The following SLC5A12 variants were observed in gnomAD, a reference collection of about 807,000 sequenced individuals.
The protein encoded by SLC5A12 is solute carrier family 5 member 12, also known as sodium-coupled monocarboxylate transporter 2.
In SLC5A12, 46 loss-of-function variants were observed where a neutral mutation model predicts 72.7. That is an observed-to-expected ratio of 0.63 (90% CI 0.50 to 0.81). The LOEUF (loss-of-function observed/expected upper bound fraction) is 0.81, where lower values mean the gene tolerates loss of function less well. Ranked by LOEUF, SLC5A12 falls within the 30% of genes least tolerant of loss-of-function variation. The pLI is 0.00. For missense variants in SLC5A12, 683 were observed against 740.7 expected, an observed-to-expected ratio of 0.92 and a Z score of 0.90; for synonymous variants, 275 against 264.4, an observed-to-expected ratio of 1.04 and a Z score of -0.39.
chr11:26,683,614 T>C (rs749988995), intron 11 of SLC5A12, 143 bp downstream of exon 11: 9 of 589,948 alleles, frequency 1.5e-5, no homozygotes, highest in Non-Finnish European at 2.1e-5. Flanking sequence ...CAGAGACAGG[T>C]AGACTCAAGC....
At position 26,678,535 on chromosome 11, in the gene SLC5A12, G is replaced by C. The variant is rs113311482; in HGVS notation, c.1579+177C>G. ...TATATGTTTTATATATTAATAGTCA[G>C]GTATATAATAATGAAGGGTGCCTTT... On this transcript the variant is annotated intron_variant, in intron 13 of 14. Coordinates refer to ENST00000396005, the MANE Select transcript of SLC5A12 (RefSeq NM_178498.4). Among the ~76,000 whole-genome samples the C allele has an allele frequency of 4.6e-3, 701 of 151,952 alleles. 10 individuals carry two copies. The highest frequency in any genetic ancestry group is 0.016 in the African/African-American group (672 of 41,442).
intron 1 of SLC5A12, 140 bp downstream of exon 1, chr11:26,721,236 G>T: frequency 1.5e-6 from 1 of 678,682 alleles, no homozygotes; most frequent in Non-Finnish European, 2.4e-6. Context: ...CCAAAGCTTA[G>T]GCTTTTTACA....
intron 8 of SLC5A12, among the ~76,000 whole-genome samples, chr11:26,695,662 T>C (rs892959945): frequency 2.0e-5 from 3 of 152,206 alleles, no homozygotes; most frequent in Admixed American, 2.0e-4. Flanking sequence ...GCTATTTTTC[T>C]TATATATAAA....
At chr11:26,686,357 A>G (rs1854533355) in intron 10 of SLC5A12, 120 bp downstream of exon 10, 3 of 759,264 alleles carry the variant, frequency 4.0e-6, no homozygotes, top group Non-Finnish European at 6.5e-6. Context: ...ATTTATTTTT[A>G]ATTTGGAGCT....
rs144355462 is a variant in SLC5A12 at position 26,711,922 on chromosome 11, C to T, written c.406-564G>A. Among the ~76,000 whole-genome samples the T allele has an allele frequency of 3.7e-4, 57 of 152,212 alleles. No homozygotes were observed. The East Asian group carries it at 0.011, about 28-fold the overall frequency. ...GAAATAGGTCCAGTTTCTCCAGTCT[C>T]TATTCGGAATTTCACCATGTAGAGA... On this transcript the variant is annotated intron_variant, in intron 2 of 14. Coordinates refer to ENST00000396005, the MANE Select transcript of SLC5A12 (RefSeq NM_178498.4).
intron 12 of SLC5A12, among the ~76,000 whole-genome samples, 156 bp downstream of exon 12, chr11:26,680,899 G>A (rs1435528106): frequency 6.6e-6 from 1 of 152,142 alleles, no homozygotes; most frequent in Non-Finnish European, 1.5e-5. Context: ...GAAAGCTGCA[G>A]CCCTGCGTGG....
chr11:26,703,849 C>A lies in SLC5A12; in HGVS notation c.624G>T (p.Gly208=), dbSNP rs767086228. The A allele has an allele frequency of 6.2e-6, 10 of 1,613,770 alleles. No individual in the cohort carries two copies. The highest frequency in any genetic ancestry group is 2.2e-5 in the East Asian group (1 of 44,862). Residue 208 remains glycine, a synonymous_variant, in exon 5 of 15, where the codon GGG becomes GGT. Transcript: ENST00000396005. ...TVLIQGSTHA[G]GFHNVLEQST... is the part of the protein sequence containing the mutation. ...ATTGCTCTAATACATTGTGGAATCCCCCAGCATGAGTTGATCCTTGAATGA... is the reference window on the plus strand; with the variant it reads ...ATTGCTCTAATACATTGTGGAATCCACCAGCATGAGTTGATCCTTGAATGA...
At chr11:26,715,469 A>G (rs1565204322) in intron 1 of SLC5A12, among the ~76,000 whole-genome samples, 1 of 152,120 alleles carries the variant, frequency 6.6e-6, no homozygotes, top group Non-Finnish European at 1.5e-5. Context: ...AGAGATCCCC[A>G]GTTGGATTGA....
chr11:26,674,974 G>C (rs372929460), intron 13 of SLC5A12, among the ~76,000 whole-genome samples: 5 of 152,154 alleles, frequency 3.3e-5, no homozygotes, highest in Admixed American at 6.6e-5. Context: ...TATACATTTA[G>C]TTAAACATAT....
At chr11:26,716,664 A>T (rs1332973427) in intron 1 of SLC5A12, among the ~76,000 whole-genome samples, 1 of 152,062 alleles carries the variant, frequency 6.6e-6, no homozygotes, top group East Asian at 1.9e-4. Context: ...GAGCCCAAAT[A>T]ACATAGAGCC....
chr11:26,682,715 GAT>G (rs1854437994), intron 11 of SLC5A12, among the ~76,000 whole-genome samples: 1 of 152,110 alleles, frequency 6.6e-6, no homozygotes, highest in Non-Finnish European at 1.5e-5. Flanking sequence ...TACTAACATA[GAT>G]AATAAATCAA....
Position 26,667,637 on chromosome 11 carries a change from T to A in SLC5A12, c.*3465A>T, listed in dbSNP as rs1352673373. The A allele has an allele frequency of 1.3e-5, 2 of 151,686 alleles. No individual in the cohort carries two copies. Among genetic ancestry groups the A allele is most frequent in the Admixed American group, 6.6e-5 (1 of 15,198 alleles). The allele number at this position is 151,686 out of a possible 1,614,324, so 9.4% of individuals were successfully genotyped here. A position where few individuals can be genotyped will look rare whatever the true frequency, so the allele number is the denominator to read the frequency against. On this transcript the variant is annotated 3_prime_UTR_variant, in exon 15 of 15. Coordinates refer to ENST00000396005, the MANE Select transcript of SLC5A12 (RefSeq NM_178498.4). ...TTTATCAAGGTTTACATGTACAAAA[T>A]AATAATAAATCATAGTAATGAATTG...
rs146869537 is a variant in SLC5A12 at position 26,711,182 on chromosome 11, T to A, written c.457+125A>T. The A allele has an allele frequency of 1.1e-4, 82 of 741,122 alleles. No homozygotes were observed. The African/African-American group carries it at 1.1e-3, about 10-fold the overall frequency. The allele number at this position is 741,122 out of a possible 1,614,324, so 45.9% of individuals were successfully genotyped here. A position where few individuals can be genotyped will look rare whatever the true frequency, so the allele number is the denominator to read the frequency against. Reference sequence around the variant, plus strand: ...TAGAGCTTTATGTAATGACTTCTAATAGTAATTCAGAATCCTCTAACCAGA... The same window carrying A: ...TAGAGCTTTATGTAATGACTTCTAAAAGTAATTCAGAATCCTCTAACCAGA... On this transcript the variant is annotated intron_variant, in intron 3 of 14. Coordinates refer to ENST00000396005, the MANE Select transcript of SLC5A12 (RefSeq NM_178498.4).
rs750391497 is a variant in SLC5A12, at chr11:26,712,635, A to G, written c.405+6T>C. 60 of 1,526,792 alleles carry G rather than the reference A, an allele frequency of 3.9e-5. No homozygotes were observed. The highest frequency in any genetic ancestry group is 9.8e-6 in the Non-Finnish European group (11 of 1,119,506). The allele number at this position is 1,526,792 out of a possible 1,614,324, so 94.6% of individuals were successfully genotyped here. ...TTCCACATCTGCAGCAGCCATGACC[A>G]CTTACCGTCTGTACAATGTAGATGA... On this transcript the variant is annotated splice_donor_region_variant and intron_variant, in intron 2 of 14. Transcript: ENST00000396005.
intron 3 of SLC5A12, among the ~76,000 whole-genome samples, chr11:26,710,666 CA>C (rs2133209996): frequency 6.6e-6 from 1 of 152,018 alleles, no homozygotes; most frequent in African/African-American, 2.4e-5. Flanking sequence ...ATCATAAAAT[CA>C]GATTACAAGT....
chr11:26,698,682 T>C (rs1854887455), intron 6 of SLC5A12, 147 bp from the exon 7 acceptor site: 2 of 637,766 alleles, frequency 3.1e-6, no homozygotes, highest in Non-Finnish European at 4.9e-6. Flanking sequence ...CTACACTTTA[T>C]ACTTTTGCTA....
chr11:26,704,163 A>C (rs2133197615), intron 4 of SLC5A12, among the ~76,000 whole-genome samples: 1 of 152,258 alleles, frequency 6.6e-6, no homozygotes. Flanking sequence ...TTATAATCTA[A>C]TGGGAGAAGC....
At chr11:26,687,160 C>T (rs1268387206) in intron 9 of SLC5A12, among the ~76,000 whole-genome samples, 2 of 152,050 alleles carry the variant, frequency 1.3e-5, no homozygotes, top group Non-Finnish European at 2.9e-5. Context: ...CATGAAAGCT[C>T]GCTAAATGAA....
At chr11:26,685,539 C>A (rs982244997) in intron 10 of SLC5A12, among the ~76,000 whole-genome samples, 2 of 151,488 alleles carry the variant, frequency 1.3e-5, no homozygotes, top group Admixed American at 6.6e-5. Context: ...ACCTGGGAGG[C>A]AGAGGTTGCA....
Sources: allele counts gnomAD v4.1 joint callset (sites outside exome capture counted in the v4.1 genomes callset), GRCh38; gene constraint gnomAD v4.1.1; transcripts MANE v1.5; gene names NCBI Gene and HGNC (gene_info 2026-07-23, HGNC 2026-07-21).